CCDC158: variants seen among roughly 807,000 people sequenced by gnomAD.
CCDC158 encodes coiled-coil domain-containing protein 158.
Under a neutral mutation model 138.6 loss-of-function variants are expected in CCDC158, and 116 were observed. That is an observed-to-expected ratio of 0.84 (90% CI 0.72 to 0.98). The LOEUF is 0.98. CCDC158 is among the 50% of genes least tolerant of loss of function. The pLI is 0.00. For synonymous variants in CCDC158, 436 were observed against 442.4 expected, an observed-to-expected ratio of 0.99 and a Z score of 0.18; for missense variants, 1,265 against 1,306.1, an observed-to-expected ratio of 0.97 and a Z score of 0.48.
intron 18 of CCDC158, among the ~76,000 whole-genome samples, chr4:76,334,593 T>C (rs182482490): frequency 6.6e-6 from 1 of 152,340 alleles, no homozygotes. Flanking sequence ...TGAGTTAATC[T>C]ACTCCCCACA....
At chr4:76,388,962 A>C (rs1727071393) in intron 4 of CCDC158, among the ~76,000 whole-genome samples, 1 of 152,122 alleles carries the variant, frequency 6.6e-6, no homozygotes, top group Non-Finnish European at 1.5e-5. Flanking sequence ...TGGGGTTTTG[A>C]ATACCTGGAA....
At chr4:76,391,219 G>T (rs1002303016) in intron 4 of CCDC158, among the ~76,000 whole-genome samples, 1 of 151,846 alleles carries the variant, frequency 6.6e-6, no homozygotes, top group Non-Finnish European at 1.5e-5. Context: ...GGAATGTTCT[G>T]GGCAGAATAC....
chr4:76,393,780 T>A (rs368836495), intron 4 of CCDC158, among the ~76,000 whole-genome samples: 1 of 151,922 alleles, frequency 6.6e-6, no homozygotes, highest in African/African-American at 2.4e-5. Flanking sequence ...AACAACTCTA[T>A]AGGAAAAAAT....
At position 76,367,656 on chromosome 4, in the gene CCDC158, T is replaced by C. The variant is rs764120002; in HGVS notation, c.1468A>G (p.Thr490Ala). 6.2e-6 allele frequency: 10 copies of C among 1,614,036 alleles called. No individual in the cohort carries two copies. The highest frequency in any genetic ancestry group is 8.5e-6 in the Non-Finnish European group (10 of 1,180,032). Reference protein sequence around the residue: ...VVEELTAKKMTLESSERTISD... With the variant: ...VVEELTAKKMALESSERTISD... ...ATTGTCCTCTCTGAGCTCTCCAGAGTCATTTTCTTGGCTGTCAACTCTTCT... is the reference window on the plus strand; with the variant it reads ...ATTGTCCTCTCTGAGCTCTCCAGAGCCATTTTCTTGGCTGTCAACTCTTCT... Residue 490 changes from threonine (T) to alanine (A), a missense_variant, in exon 12 of 25, where the codon ACT becomes GCT. Coordinates refer to ENST00000682701, the MANE Select transcript of CCDC158 (RefSeq NM_001394954.1).
intron 24 of CCDC158, among the ~76,000 whole-genome samples, chr4:76,321,124 A>G (rs1300123842): frequency 6.6e-6 from 1 of 152,232 alleles, no homozygotes; most frequent in Non-Finnish European, 1.5e-5. Flanking sequence ...CAATTCTCAA[A>G]AGAAGATACA....
At chr4:76,379,246 G>T (rs1340218098) in intron 9 of CCDC158, 44 bp downstream of exon 9, 10 of 1,047,520 alleles carry the variant, frequency 9.5e-6, no homozygotes, top group Non-Finnish European at 1.4e-5. Context: ...ATTGATTCTG[G>T]ATATTAAAGT....
At chr4:76,340,803 T>C (rs968073737) in intron 18 of CCDC158, among the ~76,000 whole-genome samples, 11 of 152,150 alleles carry the variant, frequency 7.2e-5, no homozygotes, top group Admixed American at 5.9e-4. Context: ...GCACAATAAA[T>C]GTAATGCACT....
intron 11 of CCDC158, 133 bp from the exon 12 acceptor site, chr4:76,367,909 T>C: frequency 5.0e-6 from 3 of 604,508 alleles, no homozygotes; most frequent in Non-Finnish European, 7.8e-6. Context: ...TTTTTTTTTT[T>C]AAGAGATGGG....
At chr4:76,379,482 T>C in intron 8 of CCDC158, 78 bp from the exon 9 acceptor site, 2 of 722,296 alleles carry the variant, frequency 2.8e-6, no homozygotes, top group Non-Finnish European at 4.4e-6. Context: ...TCTAGCTTTT[T>C]GACACTACCA....
At chr4:76,395,179 G>A (rs550608307) in intron 4 of CCDC158, among the ~76,000 whole-genome samples, 4 of 152,094 alleles carry the variant, frequency 2.6e-5, no homozygotes, top group South Asian at 2.1e-4. Context: ...TCTGTGCTTC[G>A]TTTGTCTATA....
Position 76,379,313 on chromosome 4 carries a change from C to A in CCDC158, c.1006G>T (p.Ala336Ser), listed in dbSNP as rs368826843. The change falls in exon 9 of 25, where the codon GCC (alanine) becomes TCC (serine). Residue 336 changes from alanine (A) to serine (S), a missense_variant. Ala to Ser is a moderately conservative substitution (Grantham distance 99, BLOSUM62 1). Transcript: ENST00000682701. ...VSQLRSELRE[A>S]KRMYEDKTEE... Reference sequence around the variant, plus strand: ...ACCTTGTCTTCATACATCCTTTTGGCTTCCCTTAATTCAGAACGTAGCTGA... The same window carrying A: ...ACCTTGTCTTCATACATCCTTTTGGATTCCCTTAATTCAGAACGTAGCTGA... 13 of 1,605,224 alleles carry A rather than the reference C, an allele frequency of 8.1e-6. No homozygotes were observed. The African/African-American group carries it at 1.7e-4, about 21-fold the overall frequency.
intron 18 of CCDC158, among the ~76,000 whole-genome samples, chr4:76,342,968 C>T (rs150153951): frequency 1.3e-5 from 2 of 152,296 alleles, no homozygotes; most frequent in East Asian, 3.9e-4. Context: ...ATCCCAGAAG[C>T]TGTCTCCATA....
At chr4:76,410,189 C>CT (rs1278358702) in intron 2 of CCDC158, among the ~76,000 whole-genome samples, 31 of 151,038 alleles carry the variant, frequency 2.1e-4, no homozygotes, top group Middle Eastern at 3.4e-3. Flanking sequence ...TTTAGAATCC[C>CT]TTTTTTTTGT....
At chr4:76,409,856 A>AAAAATT (rs1246198241) in intron 2 of CCDC158, among the ~76,000 whole-genome samples, 2 of 152,042 alleles carry the variant, frequency 1.3e-5, no homozygotes, top group East Asian at 3.9e-4. Flanking sequence ...AAATAAAAAT[A>AAAAATT]AAAAGTAATA....
intron 1 of CCDC158, among the ~76,000 whole-genome samples, chr4:76,416,911 C>A (rs994713727): frequency 2.0e-5 from 3 of 152,176 alleles, no homozygotes; most frequent in African/African-American, 7.2e-5. Context: ...CCCTACTGGG[C>A]ACTGCCTAAT....
intron 6 of CCDC158, 35 bp downstream of exon 6, chr4:76,384,053 T>A: frequency 7.3e-7 from 1 of 1,368,078 alleles, no homozygotes. Context: ...TGCATTTTAA[T>A]ATAAAATTAT....
chr4:76,313,482 G>GTCTC (rs111344215), intron 24 of CCDC158, among the ~76,000 whole-genome samples: 4,004 of 152,190 alleles, frequency 0.026, 169 homozygotes, highest in African/African-American at 0.091. Flanking sequence ...TAGAGACAGG[G>GTCTC]TCTCTCTATG....
At chr4:76,346,564 G>A (rs1317789925) in intron 18 of CCDC158, among the ~76,000 whole-genome samples, 1 of 152,160 alleles carries the variant, frequency 6.6e-6, no homozygotes, top group Admixed American at 6.5e-5. Context: ...ACAAAAAATA[G>A]CTGGGCATGG....
rs145890724 is a variant in CCDC158, at chr4:76,363,211, G to A, written c.1831-896C>T. 5.5e-4 allele frequency among the ~76,000 whole-genome samples: 84 copies of A among 152,250 alleles called. 1 individual carries two copies. The highest frequency in any genetic ancestry group is 1.8e-3 in the African/African-American group (75 of 41,532). ...GGACCAAACTCCAATATAAAAACCC[G>A]GGCACTGAGGCTTTAATGAGCTTCT... On this transcript the variant is annotated intron_variant, in intron 12 of 24. Transcript: ENST00000682701.
Sources: gnomAD v4.1 joint callset for allele counts (sites outside exome capture counted in the v4.1 genomes callset) on GRCh38, gnomAD v4.1.1 for gene constraint, MANE v1.5 for transcripts, NCBI Gene and HGNC (gene_info 2026-07-23, HGNC 2026-07-21) for gene names.